The following LDLRAD4 variants were observed in gnomAD, a reference collection of about 807,000 sequenced individuals.
LDLRAD4 encodes the protein low density lipoprotein receptor class A domain containing 4.
In LDLRAD4, 5 loss-of-function variants were observed where a neutral mutation model predicts 17.0. The ratio of observed to expected loss-of-function variants is 0.29; its 90% CI spans 0.15 to 0.62. The LOEUF is 0.62. LDLRAD4 is among the 20% of genes least tolerant of loss of function. The pLI, the probability that LDLRAD4 is intolerant of heterozygous loss-of-function variation, is 0.84. For missense variants in LDLRAD4, 340 were observed against 424.7 expected, an observed-to-expected ratio of 0.80 and a Z score of 1.75; for synonymous variants, 168 against 171.8, an observed-to-expected ratio of 0.98 and a Z score of 0.17.
chr18:13,220,452 G>A (rs1168294044), intron 1 of LDLRAD4, among the ~76,000 whole-genome samples: 1 of 152,178 alleles, frequency 6.6e-6, no homozygotes, highest in Non-Finnish European at 1.5e-5. Context: ...CATGGGCTTG[G>A]TTTGCAAGAC....
At chr18:13,640,032 A>T (rs2042392602) in intron 4 of LDLRAD4, among the ~76,000 whole-genome samples, 1 of 152,192 alleles carries the variant, frequency 6.6e-6, no homozygotes, top group Admixed American at 6.5e-5. Flanking sequence ...CACGCCTGTA[A>T]TCCCAGCACT....
intron 3 of LDLRAD4, among the ~76,000 whole-genome samples, chr18:13,451,060 A>G (rs747101336): frequency 6.6e-6 from 1 of 152,172 alleles, no homozygotes; most frequent in Non-Finnish European, 1.5e-5. Flanking sequence ...GTCCTTAGAG[A>G]TGGCTTAGTT....
intron 2 of LDLRAD4, among the ~76,000 whole-genome samples, chr18:13,407,907 TAGTC>T (rs1418024530): frequency 6.6e-6 from 1 of 152,238 alleles, no homozygotes; most frequent in Admixed American, 6.5e-5. Context: ...AAACCATAAT[TAGTC>T]AGTTTGACAA....
chr18:13,646,491 GAAGAT>G (rs1419337824), exon 6 of LDLRAD4: 2 of 152,244 alleles, frequency 1.3e-5, no homozygotes, highest in South Asian at 4.1e-4. Flanking sequence ...CTTTTGGATG[GAAGAT>G]AAGATAGGGA....
At chr18:13,638,160 A>G (rs908805904) in intron 4 of LDLRAD4, among the ~76,000 whole-genome samples, 1 of 152,138 alleles carries the variant, frequency 6.6e-6, no homozygotes, top group African/African-American at 2.4e-5. Context: ...AGTCCCAGCT[A>G]TCCGGGAGGC....
chr18:13,506,213 T>G, intron 3 of LDLRAD4, among the ~76,000 whole-genome samples: 1 of 90,884 alleles, frequency 1.1e-5, no homozygotes, highest in South Asian at 4.3e-4. Flanking sequence ...GAGCAGCTGT[T>G]TCCTCTTTTT....
chr18:13,395,770 G>A (rs1013386200), intron 2 of LDLRAD4, among the ~76,000 whole-genome samples: 3 of 150,488 alleles, frequency 2.0e-5, no homozygotes. Context: ...GTGGGGGTGG[G>A]GGCATGGGCT....
intron 4 of LDLRAD4, among the ~76,000 whole-genome samples, chr18:13,625,764 CCACCCTCCTCCCCCCGCCAG>C (rs1180086841): frequency 3.5e-5 from 3 of 84,632 alleles, no homozygotes; most frequent in South Asian, 5.9e-4. Context: ...CCCCCTGCCA[CCACCCTCCTCCCCCCGCCAG>C]CACCCTCCTC....
intron 3 of LDLRAD4, among the ~76,000 whole-genome samples, chr18:13,511,310 G>A (rs1244445652): frequency 5.3e-5 from 8 of 152,088 alleles, no homozygotes; most frequent in South Asian, 4.2e-4. Context: ...TGAGGCGGGC[G>A]GATCATGAGG....
chr18:13,343,506 A>G (rs1194940898), intron 1 of LDLRAD4, among the ~76,000 whole-genome samples: 3 of 151,978 alleles, frequency 2.0e-5, no homozygotes, highest in Non-Finnish European at 4.4e-5. Context: ...GGTTGGTTCT[A>G]AGTCTTTGCT....
chr18:13,456,862 G>GT (rs1216043210), intron 3 of LDLRAD4, among the ~76,000 whole-genome samples: 2 of 152,208 alleles, frequency 1.3e-5, no homozygotes, highest in South Asian at 2.1e-4. Flanking sequence ...GGGATATGTG[G>GT]TTTTTTCTAG....
chr18:13,452,928 G>A (rs772065449), intron 3 of LDLRAD4, among the ~76,000 whole-genome samples: 13 of 152,168 alleles, frequency 8.5e-5, no homozygotes, highest in Non-Finnish European at 1.9e-4. Flanking sequence ...ACGTCCTGGG[G>A]CAAGTGAGGG....
At chr18:13,547,468 AGG>A (rs2094381451) in intron 3 of LDLRAD4, among the ~76,000 whole-genome samples, 1 of 152,190 alleles carries the variant, frequency 6.6e-6, no homozygotes, top group Admixed American at 6.5e-5. Flanking sequence ...AGTTTTGCTC[AGG>A]CCCACTGGGC....
intron 3 of LDLRAD4, among the ~76,000 whole-genome samples, chr18:13,550,277 G>C (rs976013144): frequency 6.6e-6 from 1 of 152,210 alleles, no homozygotes; most frequent in Admixed American, 6.5e-5. Context: ...TGAGCTGACA[G>C]ACACACACTT....
rs77343397 is a variant in LDLRAD4 at position 13,530,546 on chromosome 18, T to A, written c.182-90571T>A. ...AAATGATTTCCAGCAATATCTGCAGTGAAAGCAAATTGACCCAAGGATAAT... is the reference window on the plus strand; with the variant it reads ...AAATGATTTCCAGCAATATCTGCAGAGAAAGCAAATTGACCCAAGGATAAT... On this transcript the variant is annotated intron_variant, in intron 3 of 5. Coordinates refer to ENST00000359446, the Ensembl canonical transcript of LDLRAD4. Among the ~76,000 whole-genome samples, 1,238 of 152,302 alleles carry A rather than the reference T, an allele frequency of 8.1e-3. 21 individuals are homozygous for A. Among genetic ancestry groups the A allele is most frequent in the African/African-American group, 0.029 (1,188 of 41,550 alleles).
chr18:13,639,496 C>T (rs867735381), intron 4 of LDLRAD4, among the ~76,000 whole-genome samples: 30 of 152,218 alleles, frequency 2.0e-4, no homozygotes, highest in African/African-American at 6.8e-4. Context: ...CAACAATCAG[C>T]GTGTGACAGC....
intron 3 of LDLRAD4, among the ~76,000 whole-genome samples, chr18:13,556,871 T>TC (rs990999318): frequency 6.6e-6 from 1 of 152,112 alleles, no homozygotes; most frequent in Non-Finnish European, 1.5e-5. Context: ...GTTGCTCTTT[T>TC]CCCCCGTCTA....
At chr18:13,340,360 G>A (rs2082310585) in intron 1 of LDLRAD4, among the ~76,000 whole-genome samples, 1 of 152,062 alleles carries the variant, frequency 6.6e-6, no homozygotes, top group Non-Finnish European at 1.5e-5. Flanking sequence ...CTTCCACAGG[G>A]GCTGCACCAT....
intron 3 of LDLRAD4, among the ~76,000 whole-genome samples, chr18:13,600,600 CTGTT>C (rs761083823): frequency 3.8e-4 from 58 of 152,296 alleles, no homozygotes; most frequent in Non-Finnish European, 7.1e-4. Flanking sequence ...GCTGTTTTGT[CTGTT>C]TGAGCTAAAA....
Sources: allele counts gnomAD v4.1 joint callset (sites outside exome capture counted in the v4.1 genomes callset), GRCh38; gene constraint gnomAD v4.1.1; transcripts MANE v1.5; gene names NCBI Gene and HGNC (gene_info 2026-07-23, HGNC 2026-07-21).